The following SCN9A variants were observed in gnomAD, a reference collection of about 807,000 sequenced individuals.
SCN9A encodes the protein sodium channel protein type 9 subunit alpha.
A neutral mutation model predicts 187.0 loss-of-function variants in SCN9A; 131 were observed. The ratio of observed to expected loss-of-function variants is 0.70; its 90% CI spans 0.61 to 0.81. SCN9A has a LOEUF of 0.81. Among genes scored for constraint, SCN9A ranks in the 30% least tolerant of loss-of-function variants. SCN9A has a pLI of 0.00. For missense variants in SCN9A, 2,252 were observed against 2,396.6 expected, an observed-to-expected ratio of 0.94 and a Z score of 1.26; for synonymous variants, 809 against 808.6, an observed-to-expected ratio of 1.00 and a Z score of -0.01.
chr2:166,238,207 C>A lies in SCN9A; in HGVS notation c.3688G>T (p.Asp1230Tyr). 1.2e-6 allele frequency: 2 copies of A among 1,604,788 alleles called. No individual in the cohort carries two copies. Among genetic ancestry groups the A allele is most frequent in the Non-Finnish European group, 1.7e-6 (2 of 1,173,790 alleles). ...KTIKIILEYADKIFTYIFILE... is the reference protein window; with the variant it reads ...KTIKIILEYAYKIFTYIFILE... ...ATGAAGATGTAAGTGAAGATCTTGT[C>A]TGCATACTCCAGGATAATCTTAATG... Residue 1230 changes from aspartate (D) to tyrosine (Y), a missense_variant, in exon 20 of 27, where the codon GAC (aspartate) becomes TAC (tyrosine). Physicochemically the swap from Asp to Tyr is radical, Grantham distance 160. This residue lies in a region of SCN9A where 313 missense variants were observed against 295.3 expected (regional missense o/e 1.06). Coordinates refer to ENST00000642356, the MANE Select transcript of SCN9A (RefSeq NM_001365536.1).
chr2:166,235,748 G>A (rs1695289508), intron 20 of SCN9A, among the ~76,000 whole-genome samples: 1 of 151,300 alleles, frequency 6.6e-6, no homozygotes, highest in Non-Finnish European at 1.5e-5. Flanking sequence ...CAAGAATATT[G>A]TGTGGAGCTT....
chr2:166,239,221 T>TA lies in SCN9A; in HGVS notation c.3628-955_3628-954insT, dbSNP rs1558974298. On this transcript the variant is annotated intron_variant, in intron 19 of 26. Coordinates refer to ENST00000642356, the MANE Select transcript of SCN9A (RefSeq NM_001365536.1). ...CTGGGCAACAGAGCAAGACTCTGTCTCAAAAAAAAAAAAAAAAAAAAGGCT... is the reference window on the plus strand; with the variant it reads ...CTGGGCAACAGAGCAAGACTCTGTCTACAAAAAAAAAAAAAAAAAAAAGGCT... Among the ~76,000 whole-genome samples the TA allele has an allele frequency of 2.7e-4, 35 of 130,028 alleles. 1 individual carries two copies. The highest frequency in any genetic ancestry group is 7.3e-4 in the South Asian group (3 of 4,098). The allele number at this position is 130,028 out of a possible 152,430, so 85.3% of individuals were successfully genotyped here. A position where few individuals can be genotyped will look rare whatever the true frequency, so the allele number is the denominator to read the frequency against.
intron 18 of SCN9A, among the ~76,000 whole-genome samples, chr2:166,245,240 G>A (rs1017222335): frequency 2.0e-5 from 3 of 151,924 alleles, no homozygotes; most frequent in African/African-American, 7.3e-5. Context: ...TATACAGAAT[G>A]TTCAATAAAA....
intron 18 of SCN9A, among the ~76,000 whole-genome samples, chr2:166,248,622 T>C (rs1328597385): frequency 1.4e-5 from 2 of 140,338 alleles, no homozygotes; most frequent in African/African-American, 2.7e-5. Flanking sequence ...ATCTGGCCTC[T>C]ACTACATCTC....
Position 166,284,596 on chromosome 2 carries a change from T to C in SCN9A, c.1831A>G (p.Met611Val). 1 of 1,614,040 alleles carries C rather than the reference T, an allele frequency of 6.2e-7. No homozygotes were observed. The highest frequency in any genetic ancestry group is 8.5e-7 in the Non-Finnish European group (1 of 1,179,920). Residue 611 changes from methionine to valine, a missense_variant, in exon 12 of 27, where the codon ATG becomes GTG. Transcript: ENST00000642356. ...NISQASRSPP[M>V]LPVNGKMHSA... Reference sequence around the variant, plus strand: ...TGCATTTTCCCGTTCACCGGCAGCATTGGTGGGGACCTACTGGCTTGGCTG... The same window carrying C: ...TGCATTTTCCCGTTCACCGGCAGCACTGGTGGGGACCTACTGGCTTGGCTG...
chr2:166,266,832 A>G (rs570555674), intron 17 of SCN9A, among the ~76,000 whole-genome samples: 8 of 151,302 alleles, frequency 5.3e-5, no homozygotes, highest in Admixed American at 2.6e-4. Flanking sequence ...TGTAAATGGG[A>G]TTGCTTTCTT....
At chr2:166,274,257 C>T (rs1248713450) in intron 16 of SCN9A, among the ~76,000 whole-genome samples, 1 of 152,048 alleles carries the variant, frequency 6.6e-6, no homozygotes, top group Non-Finnish European at 1.5e-5. Flanking sequence ...ATTTCTATAA[C>T]CTAGTGGGTA....
rs759871579 is a variant in SCN9A, at chr2:166,204,350, AT to A, written c.4503+9del. ...AAATCTATATGCTAAAGATATATATATTTTTTTACCCCTGGTCGAGGAATTG... is the reference window on the plus strand; with the variant it reads ...AAATCTATATGCTAAAGATATATATATTTTTTACCCCTGGTCGAGGAATTG... On this transcript the variant is annotated intron_variant, in intron 25 of 26. Transcript: ENST00000642356. The A allele has an allele frequency of 1.9e-6, 3 of 1,594,758 alleles. No individual in the cohort carries two copies. Among genetic ancestry groups the A allele is most frequent in the Non-Finnish European group, 2.6e-6 (3 of 1,165,768 alleles).
At chr2:166,347,624 A>G (rs1029205384) in intron 1 of SCN9A, among the ~76,000 whole-genome samples, 1 of 152,222 alleles carries the variant, frequency 6.6e-6, no homozygotes. Context: ...TAACTAATTA[A>G]TGTTCACAAC....
intron 19 of SCN9A, among the ~76,000 whole-genome samples, chr2:166,239,112 A>C (rs1328699871): frequency 6.6e-6 from 1 of 151,974 alleles, no homozygotes; most frequent in East Asian, 1.9e-4. Context: ...CTTCAGCCAC[A>C]TGTCCCTTGA....
rs548346140 is a variant in SCN9A, at chr2:166,349,534, T to G, written c.-51+26163A>C. Reference sequence around the variant, plus strand: ...ACTTCATTTTGCAATTTAGGAGTATTTCAATGGTCAGAGAAAATGAAAGTA... The same window carrying G: ...ACTTCATTTTGCAATTTAGGAGTATGTCAATGGTCAGAGAAAATGAAAGTA... On this transcript the variant is annotated intron_variant, in intron 1 of 26. Coordinates refer to ENST00000642356, the MANE Select transcript of SCN9A (RefSeq NM_001365536.1). 4.5e-4 allele frequency among the ~76,000 whole-genome samples: 69 copies of G among 152,350 alleles called. No individual in the cohort carries two copies. In the East Asian group the frequency reaches 0.012, roughly 27 times the overall value.
chr2:166,280,613 A>T lies in SCN9A; in HGVS notation c.2105-18T>A. The T allele has an allele frequency of 7.1e-7, 1 of 1,404,050 alleles. No individual in the cohort carries two copies. Among genetic ancestry groups the T allele is most frequent in the Non-Finnish European group, 9.8e-7 (1 of 1,015,448 alleles). 87.0% of individuals were successfully genotyped at this position (1,404,050 alleles called of 1,614,324 possible). On this transcript the variant is annotated intron_variant, in intron 13 of 26. Coordinates refer to ENST00000642356, the MANE Select transcript of SCN9A (RefSeq NM_001365536.1). ...TTCAAGTTCTGGGAGAAAAAAGCAG[A>T]GAACATGGAGTCAGCCATTTGTCTG...
At chr2:166,215,708 A>G (rs1002053112) in intron 24 of SCN9A, among the ~76,000 whole-genome samples, 10 of 151,792 alleles carry the variant, frequency 6.6e-5, no homozygotes, top group African/African-American at 2.4e-4. Flanking sequence ...GACTAAATCA[A>G]GAAATATTAC....
intron 7 of SCN9A, 71 bp from the exon 8 acceptor site, chr2:166,294,733 T>C: frequency 9.7e-7 from 1 of 1,034,724 alleles, no homozygotes; most frequent in Non-Finnish European, 1.4e-6. Context: ...AGGAGGTAAA[T>C]TAATTGATAT....
intron 5 of SCN9A, among the ~76,000 whole-genome samples, chr2:166,304,536 A>C (rs1698687604): frequency 6.6e-6 from 1 of 152,140 alleles, no homozygotes; most frequent in African/African-American, 2.4e-5. Flanking sequence ...ATATATTATT[A>C]AATTGGATTC....
intron 1 of SCN9A, among the ~76,000 whole-genome samples, chr2:166,371,581 T>C (rs1353392705): frequency 6.6e-6 from 1 of 152,224 alleles, no homozygotes; most frequent in Non-Finnish European, 1.5e-5. Flanking sequence ...TCCACAAAAG[T>C]ATTCTACCCA....
intron 1 of SCN9A, among the ~76,000 whole-genome samples, chr2:166,366,310 G>A (rs2105323016): frequency 6.6e-6 from 1 of 152,184 alleles, no homozygotes; most frequent in East Asian, 1.9e-4. Context: ...CACTTAGCAT[G>A]TCTCTTCTAG....
intron 18 of SCN9A, among the ~76,000 whole-genome samples, chr2:166,248,041 A>G (rs1695872264): frequency 1.3e-5 from 2 of 152,196 alleles, no homozygotes; most frequent in South Asian, 2.1e-4. Context: ...TCAATGAAAT[A>G]CATTAGTAAA....
chr2:166,210,021 G>A lies in SCN9A; in HGVS notation c.4399-5557C>T, dbSNP rs375364032. On this transcript the variant is annotated intron_variant, in intron 24 of 26. Transcript: ENST00000642356. ...ACGCATGCACACGTATGTTTATTGC[G>A]GCACTATTCACAATAGCAAAGACTT... is the stretch of plus-strand genomic sequence containing the variant. Among the ~76,000 whole-genome samples, 102 of 152,120 alleles carry A rather than the reference G, an allele frequency of 6.7e-4. 1 individual carries two copies. The East Asian group carries it at 0.016, about 24-fold the overall frequency.
Sources: gnomAD v4.1 joint callset for allele counts (sites outside exome capture counted in the v4.1 genomes callset) on GRCh38, gnomAD v4.1.1 for gene constraint, gnomAD v4.1.1 regional missense constraint, MANE v1.5 for transcripts, NCBI Gene and HGNC (gene_info 2026-07-23, HGNC 2026-07-21) for gene names.